Variants in ANKRD6 observed in about 807,000 individuals in gnomAD.
ANKRD6 encodes ankyrin repeat domain 6, also known as ankyrin repeat domain-containing protein 6.
A neutral mutation model predicts 82.3 loss-of-function variants in ANKRD6; 56 were observed. That is an observed-to-expected ratio of 0.68 (90% CI 0.55 to 0.85). The LOEUF (loss-of-function observed/expected upper bound fraction) is 0.85. ANKRD6 is among the 40% of genes least tolerant of loss of function. ANKRD6 has a pLI of 0.00. For missense variants in ANKRD6, 852 were observed against 907.6 expected, an observed-to-expected ratio of 0.94 and a Z score of 0.79; for synonymous variants, 347 against 352.1, an observed-to-expected ratio of 0.99 and a Z score of 0.16.
chr6:89,488,574 C>T (rs905561858), intron 1 of ANKRD6, among the ~76,000 whole-genome samples: 4 of 152,172 alleles, frequency 2.6e-5, no homozygotes, highest in Non-Finnish European at 5.9e-5. Context: ...ATTCAGGATT[C>T]TCAGATTTCT....
intron 1 of ANKRD6, among the ~76,000 whole-genome samples, chr6:89,555,907 G>C (rs1342902559): frequency 6.6e-6 from 1 of 152,180 alleles, no homozygotes; most frequent in East Asian, 1.9e-4. Flanking sequence ...AATCAAGGCG[G>C]GGGAGGGAGA....
intron 1 of ANKRD6, among the ~76,000 whole-genome samples, chr6:89,448,827 G>A (rs577051867): frequency 1.5e-4 from 23 of 152,104 alleles, no homozygotes; most frequent in African/African-American, 2.9e-4. Flanking sequence ...TCAGGAGATC[G>A]AGACCATCTT....
chr6:89,452,521 T>C (rs1055921145), intron 1 of ANKRD6, among the ~76,000 whole-genome samples: 1 of 152,234 alleles, frequency 6.6e-6, no homozygotes, highest in South Asian at 2.1e-4. Context: ...ATGACATTCA[T>C]TAAGGCTGAA....
chr6:89,482,848 A>T (rs567513935), intron 1 of ANKRD6, among the ~76,000 whole-genome samples: 8 of 152,202 alleles, frequency 5.3e-5, no homozygotes, highest in African/African-American at 1.9e-4. Context: ...TACCTACTCC[A>T]CTAGGTAGAA....
At chr6:89,529,344 A>G (rs146911157) in intron 1 of ANKRD6, among the ~76,000 whole-genome samples, 4 of 152,348 alleles carry the variant, frequency 2.6e-5, no homozygotes, top group African/African-American at 4.8e-5. Flanking sequence ...CTTAAACCTC[A>G]TGAACCAACC....
intron 10 of ANKRD6, among the ~76,000 whole-genome samples, chr6:89,623,131 T>C (rs557187519): frequency 3.3e-5 from 5 of 151,910 alleles, no homozygotes; most frequent in African/African-American, 1.2e-4. Context: ...TTGTGTCGGG[T>C]AGGTTCCTGG....
chr6:89,581,866 C>T (rs1792610055), intron 2 of ANKRD6, among the ~76,000 whole-genome samples: 1 of 152,132 alleles, frequency 6.6e-6, no homozygotes, highest in African/African-American at 2.4e-5. Context: ...TCGTTCTGCT[C>T]CGGGTTAGCA....
intron 1 of ANKRD6, among the ~76,000 whole-genome samples, chr6:89,547,037 T>C (rs1489639787): frequency 3.3e-5 from 5 of 151,892 alleles, no homozygotes; most frequent in Admixed American, 3.3e-4. Context: ...TCACGGCTCA[T>C]TGCAGCCACA....
At chr6:89,463,922 G>A (rs1774517418) in intron 1 of ANKRD6, among the ~76,000 whole-genome samples, 1 of 152,142 alleles carries the variant, frequency 6.6e-6, no homozygotes, top group Admixed American at 6.6e-5. Context: ...CTTTCTCATT[G>A]AAGGAGCTCA....
At position 89,475,800 on chromosome 6, in the gene ANKRD6, C is replaced by A. The variant is rs762608626; in HGVS notation, c.-144+42425C>A. 9.3e-4 allele frequency among the ~76,000 whole-genome samples: 141 copies of A among 152,160 alleles called. 1 individual carries two copies. The highest frequency in any genetic ancestry group is 3.9e-4 in the Admixed American group (6 of 15,280). The stretch of plus-strand genomic sequence containing the variant: ...CATTTAACAAATACTGCCAGATTGT[C>A]CTCCAGAAAGGTTGTACCCATGTGC... On this transcript the variant is annotated intron_variant, in intron 1 of 15. Coordinates refer to ENST00000339746, the MANE Select transcript of ANKRD6 (RefSeq NM_001242809.2).
chr6:89,599,681 T>C (rs1033676408), intron 3 of ANKRD6, among the ~76,000 whole-genome samples: 1 of 152,202 alleles, frequency 6.6e-6, no homozygotes, highest in African/African-American at 2.4e-5. Flanking sequence ...TAGGGAAGAA[T>C]AGATCCAAGA....
chr6:89,553,792 A>C (rs1438641532), intron 1 of ANKRD6, among the ~76,000 whole-genome samples: 1 of 152,102 alleles, frequency 6.6e-6, no homozygotes, highest in Admixed American at 6.6e-5. Flanking sequence ...GTGCTTCCCC[A>C]CCTTACTTTC....
intron 1 of ANKRD6, among the ~76,000 whole-genome samples, chr6:89,539,700 CTA>C (rs1784239639): frequency 6.6e-6 from 1 of 151,472 alleles, no homozygotes; most frequent in Non-Finnish European, 1.5e-5. Flanking sequence ...TAGTTATTGA[CTA>C]TAGTCACTCT....
Position 89,630,785 on chromosome 6 carries a change from C to T in ANKRD6, c.1965C>T (p.Gly655=). Residue 655 remains glycine, a synonymous_variant, in exon 16 of 16, where the codon GGC becomes GGT. Coordinates refer to ENST00000339746, the MANE Select transcript of ANKRD6 (RefSeq NM_001242809.2). ...CAGCCACAGGCAGCGAGCAGACTGG[C>T]CCTCACATTCGGGACACCTCCCAAG... ...PPPATGSEQT[G]PHIRDTSQAL... The T allele has an allele frequency of 6.2e-7, 1 of 1,613,902 alleles. No individual in the cohort carries two copies. Among genetic ancestry groups the T allele is most frequent in the Non-Finnish European group, 8.5e-7 (1 of 1,179,870 alleles).
chr6:89,578,054 C>G (rs987035423), intron 2 of ANKRD6, among the ~76,000 whole-genome samples: 4 of 152,088 alleles, frequency 2.6e-5, no homozygotes, highest in Non-Finnish European at 5.9e-5. Context: ...AGAGGGTGAG[C>G]CCCCCAGAGT....
chr6:89,442,025 G>T (rs1258832429), intron 1 of ANKRD6, among the ~76,000 whole-genome samples: 4 of 149,876 alleles, frequency 2.7e-5, no homozygotes, highest in African/African-American at 9.8e-5. Flanking sequence ...TTGAGACAGG[G>T]TCTCACTCTG....
chr6:89,477,205 A>T (rs1343550801), intron 1 of ANKRD6, among the ~76,000 whole-genome samples: 3 of 151,974 alleles, frequency 2.0e-5, no homozygotes, highest in Admixed American at 6.5e-5. Context: ...CGGCCTCCCA[A>T]AGTGCTGGGA....
At chr6:89,551,296 TG>T (rs1188363276) in intron 1 of ANKRD6, among the ~76,000 whole-genome samples, 2 of 152,224 alleles carry the variant, frequency 1.3e-5, no homozygotes, top group Non-Finnish European at 2.9e-5. Flanking sequence ...CTTCTTCCTT[TG>T]CGTCTCCTCT....
intron 1 of ANKRD6, among the ~76,000 whole-genome samples, chr6:89,467,597 C>G (rs1774995020): frequency 6.6e-6 from 1 of 152,142 alleles, no homozygotes; most frequent in African/African-American, 2.4e-5. Flanking sequence ...AGATGGAAGG[C>G]CCACAGATTT....
Sources: allele counts gnomAD v4.1 joint callset (sites outside exome capture counted in the v4.1 genomes callset), GRCh38; gene constraint gnomAD v4.1.1; transcripts MANE v1.5; gene names NCBI Gene and HGNC (gene_info 2026-07-23, HGNC 2026-07-21).